PKHD1L1: variants seen among roughly 807,000 people sequenced by gnomAD.
PKHD1L1 encodes fibrocystin-L.
A neutral mutation model predicts 462.9 loss-of-function variants in PKHD1L1; 434 were observed. The ratio of observed to expected loss-of-function variants is 0.94; its 90% CI spans 0.87 to 1.02. PKHD1L1 has a LOEUF of 1.02. Among genes scored for constraint, PKHD1L1 ranks in the 50% least tolerant of loss-of-function variants. The probability of loss-of-function intolerance (pLI) is 0.00; values close to 1 mark genes in which losing one functional copy is unlikely to be tolerated. For missense variants in PKHD1L1, 5,202 were observed against 5,096.1 expected, an observed-to-expected ratio of 1.02 and a Z score of -0.63; for synonymous variants, 1,781 against 1,750.0, an observed-to-expected ratio of 1.02 and a Z score of -0.44.
Position 109,489,975 on chromosome 8 carries a change from G to A in PKHD1L1, c.9904G>A (p.Glu3302Lys), listed in dbSNP as rs761797623. ...FKGNARISNV[E>K]FYHSGQEGFR... The stretch of plus-strand genomic sequence containing the variant: ...AGGAAATGCAAGAATAAGTAATGTG[G>A]AATTTTATCACAGTGGTCAAGAAGG... Residue 3302 changes from glutamate (E) to lysine (K), a missense_variant, in exon 60 of 78, where the codon GAA (glutamate) becomes AAA (lysine). Coordinates refer to ENST00000378402, the MANE Select transcript of PKHD1L1 (RefSeq NM_177531.6). 1 of 1,605,588 alleles carries A rather than the reference G, an allele frequency of 6.2e-7. No homozygotes were observed. Among genetic ancestry groups the A allele is most frequent in the East Asian group, 2.2e-5 (1 of 44,708 alleles).
In PKHD1L1 at chr8:109,400,326, T is replaced by C. The variant is rs776796115; in HGVS notation, c.1263T>C (p.Thr421=). 5 of 1,612,956 alleles carry C rather than the reference T, an allele frequency of 3.1e-6. No homozygotes were observed. The African/African-American group carries it at 4.0e-5, about 13-fold the overall frequency. The change falls in exon 13 of 78, where the codon ACT becomes ACC. Residue 421 remains threonine (T), a synonymous_variant. Coordinates refer to ENST00000378402, the MANE Select transcript of PKHD1L1 (RefSeq NM_177531.6). ...GTTATGCTATTTATTTTAGCCAGAC[T>C]GGACTTCCAGAAGATAAGGTAGGGA... ...DDRYAIYFSQ[T]GLPEDKVRIA...
chr8:109,445,149 A>G lies in PKHD1L1; in HGVS notation c.5280A>G (p.Ile1760Met). ...YITGVFPNSV[I>M]GSVKVLIEGE... ...CAGGAGTCTTCCCAAACTCTGTCAT[A>G]GGATCTGTAAAAGTTCTTATTGAAG... The change falls in exon 38 of 78, where the codon ATA becomes ATG. Residue 1760 changes from isoleucine (I) to methionine (M), a missense_variant. Physicochemically the swap from Ile to Met is conservative, Grantham distance 10. Coordinates refer to ENST00000378402, the MANE Select transcript of PKHD1L1 (RefSeq NM_177531.6). 1 of 1,613,958 alleles carries G rather than the reference A, an allele frequency of 6.2e-7. No homozygotes were observed. The highest frequency in any genetic ancestry group is 1.3e-5 in the African/African-American group (1 of 75,058).
At chr8:109,484,901 T>G (rs925791185) in intron 57 of PKHD1L1, 143 bp from the exon 58 acceptor site, 10 of 589,460 alleles carry the variant, frequency 1.7e-5, no homozygotes, top group Non-Finnish European at 2.7e-5. Context: ...CTTTAGAGAC[T>G]TCAATGTACT....
At chr8:109,479,687 T>A in intron 54 of PKHD1L1, 48 bp downstream of exon 54, 1 of 1,247,830 alleles carries the variant, frequency 8.0e-7, no homozygotes, top group Non-Finnish European at 1.1e-6. Flanking sequence ...TCTGCAATAT[T>A]AACACTATGG....
chr8:109,464,483 A>C lies in PKHD1L1; in HGVS notation c.7651A>C (p.Ser2551Arg), dbSNP rs1817313696. The C allele has an allele frequency of 6.2e-7, 1 of 1,613,670 alleles. No homozygotes were observed. Among genetic ancestry groups the C allele is most frequent in the Admixed American group, 1.7e-5 (1 of 59,940 alleles). Residue 2551 changes from serine (S) to arginine (R), a missense_variant, in exon 49 of 78, where the codon AGT becomes CGT. Physicochemically the swap from Ser to Arg is moderately radical, Grantham distance 110 (BLOSUM62 -1). Transcript: ENST00000378402. ...GGCAGTATTTGTACAGCAAAGTACC[A>C]GTCTTCTGAATGATGATGTGACCCC... ...NLAVFVQQST[S>R]LLNDDVTPAA...
intron 45 of PKHD1L1, among the ~76,000 whole-genome samples, chr8:109,455,373 C>A: frequency 6.6e-6 from 1 of 152,006 alleles, no homozygotes; most frequent in Non-Finnish European, 1.5e-5. Context: ...ACAAACAAAA[C>A]CAAAAAAACT....
At chr8:109,509,977 T>C (rs1563624177) in intron 70 of PKHD1L1, among the ~76,000 whole-genome samples, 2 of 152,124 alleles carry the variant, frequency 1.3e-5, no homozygotes, top group African/African-American at 4.8e-5. Context: ...AAGTTTGTTA[T>C]AAAAGTCATT....
At chr8:109,417,122 G>T (rs1189043543) in intron 21 of PKHD1L1, among the ~76,000 whole-genome samples, 1 of 151,828 alleles carries the variant, frequency 6.6e-6, no homozygotes, top group Non-Finnish European at 1.5e-5. Context: ...GAATGAATAA[G>T]ACCTAGTATT....
chr8:109,415,864 G>GGT (rs552265043), intron 21 of PKHD1L1, among the ~76,000 whole-genome samples: 9,648 of 100,178 alleles, frequency 0.096, 433 homozygotes, highest in African/African-American at 0.14. Flanking sequence ...AAAAAAAAGG[G>GGT]GTGTGTGTGT....
At chr8:109,418,331 G>A (rs1814290735) in intron 21 of PKHD1L1, among the ~76,000 whole-genome samples, 1 of 152,090 alleles carries the variant, frequency 6.6e-6, no homozygotes, top group African/African-American at 2.4e-5. Flanking sequence ...TGAGCTAGAG[G>A]TGGATCCCAT....
In PKHD1L1 at chr8:109,476,634, C is replaced by A; in HGVS notation, c.8884C>A (p.Leu2962Ile). The change falls in exon 52 of 78, where the codon CTT (leucine) becomes ATT (isoleucine). Residue 2962 changes from leucine to isoleucine, a missense_variant. Leu to Ile is a conservative substitution (Grantham distance 5). Around this residue, in one of 3 missense-constraint regions of PKHD1L1, gnomAD observed 4,497 missense variants for 4,336.8 expected, o/e 1.04. Coordinates refer to ENST00000378402, the MANE Select transcript of PKHD1L1 (RefSeq NM_177531.6). Reference sequence around the variant, plus strand: ...TACTAGCAAGAATGGGGACTGGCACCTTGAAGCAAACACTAGTACTCTATA... The same window carrying A: ...TACTAGCAAGAATGGGGACTGGCACATTGAAGCAAACACTAGTACTCTATA... ...WNTSKNGDWHLEANTSTLYYL... is the reference protein window; with the variant it reads ...WNTSKNGDWHIEANTSTLYYL... The A allele has an allele frequency of 6.2e-7, 1 of 1,600,758 alleles. No homozygotes were observed.
chr8:109,517,281 A>G (rs140837392), intron 72 of PKHD1L1, among the ~76,000 whole-genome samples: 11 of 152,220 alleles, frequency 7.2e-5, no homozygotes, highest in African/African-American at 2.4e-4. Flanking sequence ...TTATGAACCT[A>G]TACATATTTT....
At chr8:109,394,551 A>T in intron 10 of PKHD1L1, 66 bp downstream of exon 10, 1 of 1,091,830 alleles carries the variant, frequency 9.2e-7, no homozygotes, top group South Asian at 2.0e-5. Flanking sequence ...TGATTTAATC[A>T]AACCAAAGAC....
rs776957662 is a variant in PKHD1L1 at position 109,518,151 on chromosome 8, CT to C, written c.11690-10del. On this transcript the variant is annotated splice_polypyrimidine_tract_variant and intron_variant, in intron 72 of 77. Transcript: ENST00000378402. ...AAAATACTTAGCTGTGATGTTCTGGCTTTTTTCCTTCATAGACCAATTCCTT... is the reference window on the plus strand; with the variant it reads ...AAAATACTTAGCTGTGATGTTCTGGCTTTTTCCTTCATAGACCAATTCCTT... 3.2e-5 allele frequency: 47 copies of C among 1,480,350 alleles called. No homozygotes were observed. The highest frequency in any genetic ancestry group is 3.7e-5 in the Non-Finnish European group (40 of 1,079,622). The allele number at this position is 1,480,350 out of a possible 1,614,324, so 91.7% of individuals were successfully genotyped here.
chr8:109,453,856 G>T (rs1783163), intron 43 of PKHD1L1, among the ~76,000 whole-genome samples: 82,875 of 151,840 alleles, frequency 0.55, 22,769 homozygotes, highest in South Asian at 0.69. Context: ...TTTGTACAAC[G>T]AATTTGCATA....
chr8:109,383,989 G>A (rs1812300916), intron 4 of PKHD1L1, 81 bp from the exon 5 acceptor site: 1 of 903,586 alleles, frequency 1.1e-6, no homozygotes, highest in Non-Finnish European at 1.8e-6. Flanking sequence ...TTGAAATTTA[G>A]TAATGTAAGA....
chr8:109,461,019 G>A (rs1004935618), intron 47 of PKHD1L1, among the ~76,000 whole-genome samples: 1 of 152,162 alleles, frequency 6.6e-6, no homozygotes, highest in African/African-American at 2.4e-5. Flanking sequence ...GAGTGAGTTA[G>A]TGCAAAACCC....
intron 41 of PKHD1L1, 80 bp downstream of exon 41, chr8:109,451,229 A>G (rs988185616): frequency 1.4e-6 from 2 of 1,418,072 alleles, no homozygotes; most frequent in Non-Finnish European, 1.9e-6. Context: ...ATGCCCGGAC[A>G]GTGCAGAAAT....
Position 109,405,077 on chromosome 8 carries a change from C to T in PKHD1L1, c.1616C>T (p.Ala539Val), listed in dbSNP as rs1384807837. The T allele has an allele frequency of 2.0e-6, 3 of 1,519,672 alleles. No homozygotes were observed. Among genetic ancestry groups the T allele is most frequent in the Non-Finnish European group, 2.7e-6 (3 of 1,116,534 alleles). 94.1% of individuals were successfully genotyped at this position (1,519,672 alleles called of 1,614,324 possible). A position where few individuals can be genotyped will look rare whatever the true frequency, so the allele number is the denominator to read the frequency against. Residue 539 changes from alanine (A) to valine (V), a missense_variant, in exon 16 of 78, where the codon GCT becomes GTT. Around this residue, in one of 3 missense-constraint regions of PKHD1L1, gnomAD observed 4,497 missense variants for 4,336.8 expected, o/e 1.04. Transcript: ENST00000378402. ...AAGGTAACCAGCCCATGTGTGGAAG[C>T]TAATTCATGTTCACTTTACCAATAT... The part of the protein sequence containing the change: ...KIKVTSPCVE[A>V]NSCSLYQYRL...
Sources: gnomAD v4.1 joint callset for allele counts (sites outside exome capture counted in the v4.1 genomes callset) on GRCh38, gnomAD v4.1.1 for gene constraint, gnomAD v4.1.1 regional missense constraint, MANE v1.5 for transcripts, NCBI Gene and HGNC (gene_info 2026-07-23, HGNC 2026-07-21) for gene names.